Variants in MROH2B observed in about 807,000 individuals in gnomAD.
MROH2B encodes the protein maestro heat-like repeat-containing protein family member 2B.
Under a neutral mutation model 208.6 loss-of-function variants are expected in MROH2B, and 177 were observed. The observed-to-expected ratio is 0.85, with a 90% confidence interval of 0.75 to 0.96. The LOEUF is 0.96. Among genes scored for constraint, MROH2B ranks in the 40% least tolerant of loss-of-function variants. MROH2B has a pLI of 0.00. For missense variants in MROH2B, 2,002 were observed against 1,878.7 expected (o/e 1.07, Z -1.21); for synonymous variants, 728 against 659.0 (o/e 1.10, Z -1.60).
chr5:41,054,869 C>T lies in MROH2B; in HGVS notation c.1034-29G>A, dbSNP rs375536126. On this transcript the variant is annotated intron_variant, in intron 10 of 41. Coordinates refer to ENST00000399564, the MANE Select transcript of MROH2B (RefSeq NM_173489.5). ...AAAGACAGAGGGAGAAATTGAGAGG[C>T]CTGACTCAATAGAAGTACAGTATGT... 1.1e-4 allele frequency: 168 copies of T among 1,500,208 alleles called. No individual in the cohort carries two copies. In the African/African-American group the frequency reaches 2.0e-3, roughly 18 times the overall value. The allele number at this position is 1,500,208 out of a possible 1,614,324, so 92.9% of individuals were successfully genotyped here.
chr5:41,066,668 G>A (rs1743823300), intron 3 of MROH2B, among the ~76,000 whole-genome samples: 1 of 152,124 alleles, frequency 6.6e-6, no homozygotes, highest in African/African-American at 2.4e-5. Flanking sequence ...ACTTCTTTCT[G>A]GAAGAAATAA....
chr5:41,037,379 TG>T lies in MROH2B; in HGVS notation c.2214+1356del, dbSNP rs199710345. ...ATTCTCATCACTGCTTCTCAGATTTTGGGGGCATCAGAATCAACTCTTGAGG... is the reference window on the plus strand; with the variant it reads ...ATTCTCATCACTGCTTCTCAGATTTTGGGGCATCAGAATCAACTCTTGAGG... On this transcript the variant is annotated intron_variant, in intron 21 of 41. Coordinates refer to ENST00000399564, the MANE Select transcript of MROH2B (RefSeq NM_173489.5). Among the ~76,000 whole-genome samples the T allele has an allele frequency of 1.0e-3, 158 of 152,318 alleles. 1 individual carries two copies. The East Asian group carries it at 0.029, about 28-fold the overall frequency.
At chr5:41,021,706 T>C (rs1004157186) in intron 24 of MROH2B, among the ~76,000 whole-genome samples, 4 of 151,804 alleles carry the variant, frequency 2.6e-5, no homozygotes, top group African/African-American at 7.3e-5. Context: ...GGCAAAACCA[T>C]GTCTCTATAA....
At chr5:41,001,739 G>C (rs1332006116) in intron 37 of MROH2B, among the ~76,000 whole-genome samples, 1 of 151,192 alleles carries the variant, frequency 6.6e-6, no homozygotes, top group Non-Finnish European at 1.5e-5. Context: ...AAAAAAAAAA[G>C]AAAACAAGAG....
At position 41,051,084 on chromosome 5, in the gene MROH2B, G is replaced by A. The variant is rs1306669232; in HGVS notation, c.1237C>T (p.Pro413Ser). 2.6e-6 allele frequency: 4 copies of A among 1,542,600 alleles called. No homozygotes were observed. The highest frequency in any genetic ancestry group is 3.5e-6 in the Non-Finnish European group (4 of 1,153,330). The part of the protein sequence containing the change: ...FATLNRNLEK[P>S]VKTNFHENEK... The stretch of plus-strand genomic sequence containing the variant: ...TTCTCATGAAAGTTAGTTTTCACTG[G>A]TTTCTCCTTTAAGAAAGATCAAACA... Residue 413 changes from proline to serine, a missense_variant, in exon 13 of 42, where the codon CCA (proline) becomes TCA (serine). Physicochemically the swap from Pro to Ser is moderately conservative, Grantham distance 74. Transcript: ENST00000399564.
At chr5:40,998,277 T>A in intron 41 of MROH2B, 119 bp from the exon 42 acceptor site, 1 of 701,724 alleles carries the variant, frequency 1.4e-6, no homozygotes, top group Non-Finnish European at 2.5e-6. Context: ...GGGGCTCAGG[T>A]CCTCATGCTC....
intron 24 of MROH2B, among the ~76,000 whole-genome samples, chr5:41,024,341 T>C (rs1250497419): frequency 1.3e-5 from 2 of 152,036 alleles, no homozygotes; most frequent in East Asian, 3.9e-4. Flanking sequence ...TGAAGGAAGA[T>C]ATACCAAGCA....
At chr5:41,069,565 TG>T (rs757689615) in intron 2 of MROH2B, 125 bp downstream of exon 2, 1 of 704,498 alleles carries the variant, frequency 1.4e-6, no homozygotes, top group African/African-American at 1.8e-5. Flanking sequence ...CTGCATTTAC[TG>T]AAAAATCTAA....
Position 41,058,044 on chromosome 5 carries a change from T to G in MROH2B, c.756+19A>C. 6.6e-7 allele frequency: 1 copy of G among 1,525,230 alleles called. No individual in the cohort carries two copies. The highest frequency in any genetic ancestry group is 1.3e-5 in the South Asian group (1 of 78,128). 94.5% of individuals were successfully genotyped at this position (1,525,230 alleles called of 1,614,324 possible). ...CATGCGGGTTCTCTGATTCAGTTCC[T>G]TTAGGGTATGGCTCTTACCTGAGTG... On this transcript the variant is annotated intron_variant, in intron 7 of 41. Coordinates refer to ENST00000399564, the MANE Select transcript of MROH2B (RefSeq NM_173489.5).
intron 11 of MROH2B, among the ~76,000 whole-genome samples, chr5:41,054,533 T>C (rs1379886888): frequency 6.6e-6 from 1 of 152,342 alleles, no homozygotes; most frequent in East Asian, 1.9e-4. Flanking sequence ...CCTGCAATTA[T>C]TTTAAATAAG....
chr5:41,051,563 G>A (rs325867), intron 12 of MROH2B: 129,803 of 152,222 alleles, frequency 0.85, 55,541 homozygotes, highest in Middle Eastern at 0.89. Flanking sequence ...AAATCTGAAC[G>A]CCCAAGGTGA....
intron 19 of MROH2B, 136 bp from the exon 20 acceptor site, chr5:41,039,691 C>T (rs1742883465): frequency 3.5e-6 from 2 of 577,262 alleles, no homozygotes; most frequent in African/African-American, 1.9e-5. Flanking sequence ...CCAAAGTCCC[C>T]ATCTTTGTAA....
Position 41,067,190 on chromosome 5 carries a change from A to G in MROH2B, c.119T>C (p.Val40Ala). The G allele has an allele frequency of 6.4e-7, 1 of 1,553,614 alleles. No homozygotes were observed. Among genetic ancestry groups the G allele is most frequent in the African/African-American group, 1.4e-5 (1 of 73,538 alleles). The change falls in exon 3 of 42, where the codon GTT becomes GCT. Residue 40 changes from valine (V) to alanine (A), a missense_variant. By Grantham distance (64) the Val-to-Ala change is moderately conservative (BLOSUM62 0). Transcript: ENST00000399564. ...KEDIYSHLTS[V>A]IQNTDILDDA... ...ATCCAAGATGTCAGTATTCTGAATA[A>G]CAGAAGTGAGATGACTGTAAATGTC...
rs1241563112 is a variant in MROH2B, at chr5:41,016,957, T to C, written c.2884+893A>G. Among the ~76,000 whole-genome samples, 4 of 152,212 alleles carry C rather than the reference T, an allele frequency of 2.6e-5. No homozygotes were observed. The East Asian group carries it at 5.8e-4, about 22-fold the overall frequency. ...TTATCTCTTTCCCCCAACCAAATCC[T>C]ACCTTTTGGCTTTAACACACTTATA... is the stretch of plus-strand genomic sequence containing the variant. On this transcript the variant is annotated intron_variant, in intron 28 of 41. Transcript: ENST00000399564.
At chr5:41,046,586 T>C (rs1026619876) in intron 17 of MROH2B, among the ~76,000 whole-genome samples, 3 of 152,106 alleles carry the variant, frequency 2.0e-5, no homozygotes, top group Non-Finnish European at 4.4e-5. Context: ...AGCTCATTCA[T>C]GGGTTCTTTA....
Position 41,033,069 on chromosome 5 carries a change from T to G in MROH2B, c.2333A>C (p.Tyr778Ser), listed in dbSNP as rs200108200. 1.1e-5 allele frequency: 17 copies of G among 1,613,080 alleles called. No individual in the cohort carries two copies. In the Admixed American group the frequency reaches 2.7e-4, roughly 25 times the overall value. Residue 778 changes from tyrosine (Y) to serine (S), a missense_variant, in exon 23 of 42, where the codon TAC becomes TCC. Tyr to Ser is a moderately radical substitution (Grantham distance 144). Coordinates refer to ENST00000399564, the MANE Select transcript of MROH2B (RefSeq NM_173489.5). ...DAEDQGFQFSYKEMLIGYMLD... is the reference protein window; with the variant it reads ...DAEDQGFQFSSKEMLIGYMLD... ...CATGTAACCAATCAGCATCTCCTTG[T>G]AGGAAAACTGGAACCCCTGATCCTC...
chr5:41,049,313 C>A lies in MROH2B; in HGVS notation c.1468G>T (p.Glu490Ter). ...AEEKKQHSAKESTALVVSTGA... is the reference protein window; with the variant it reads ...AEEKKQHSAK Reference sequence around the variant, plus strand: ...GTAGAGACGACAAGTGCTGTCGACTCCTTGGCACTGTGCTGCTTCTTCTCC... The same window carrying A: ...GTAGAGACGACAAGTGCTGTCGACTACTTGGCACTGTGCTGCTTCTTCTCC... Residue 490 changes from glutamate to a stop codon, truncating the protein, a stop_gained, in exon 14 of 42, where the codon GAG becomes TAG. Coordinates refer to ENST00000399564, the MANE Select transcript of MROH2B (RefSeq NM_173489.5). LOFTEE classifies it high-confidence loss of function. 6.2e-7 allele frequency: 1 copy of A among 1,613,626 alleles called. No homozygotes were observed. The highest frequency in any genetic ancestry group is 8.5e-7 in the Non-Finnish European group (1 of 1,179,730).
In MROH2B at chr5:41,033,856, G is replaced by A; in HGVS notation, c.2223C>T (p.Gly741=). ...SLHGQCSQVL[G]MSVMNKDMDL... ...CTCCTACCTTGTTCATCACAGACAT[G>A]CCCAGAACCTAAAAAAAATCAAAGG... Residue 741 remains glycine (G), a synonymous_variant, in exon 22 of 42, where the codon GGC becomes GGT. Coordinates refer to ENST00000399564, the MANE Select transcript of MROH2B (RefSeq NM_173489.5). 1.3e-6 allele frequency: 2 copies of A among 1,545,656 alleles called. No individual in the cohort carries two copies. Among genetic ancestry groups the A allele is most frequent in the Non-Finnish European group, 1.7e-6 (2 of 1,143,162 alleles).
intron 37 of MROH2B, among the ~76,000 whole-genome samples, chr5:41,001,474 G>C (rs1314919807): frequency 6.6e-6 from 1 of 152,150 alleles, no homozygotes; most frequent in Non-Finnish European, 1.5e-5. Context: ...CACTTTGGGA[G>C]CAGAGGCAGG....
Sources: gnomAD v4.1 joint callset for allele counts (sites outside exome capture counted in the v4.1 genomes callset) on GRCh38, gnomAD v4.1.1 for gene constraint, MANE v1.5 for transcripts, NCBI Gene and HGNC (gene_info 2026-07-23, HGNC 2026-07-21) for gene names.